CNTN4: variants seen among roughly 807,000 people sequenced by gnomAD.
CNTN4 encodes contactin 4, also known as contactin-4.
CNTN4 carries 77 observed loss-of-function variants against 122.5 expected under a neutral mutation model. The observed-to-expected ratio is 0.63, with a 90% confidence interval of 0.52 to 0.76. CNTN4 has a LOEUF of 0.76. Ranked by LOEUF, CNTN4 falls within the 30% of genes least tolerant of loss-of-function variation. CNTN4 has a pLI of 0.00. For synonymous variants in CNTN4, 512 were observed against 447.0 expected (o/e 1.15, Z -1.83); for missense variants, 1,256 against 1,259.1 (o/e 1.00, Z 0.04).
chr3:2,134,520 G>T (rs921941912), intron 2 of CNTN4, among the ~76,000 whole-genome samples: 2 of 152,114 alleles, frequency 1.3e-5, no homozygotes, highest in African/African-American at 4.8e-5. Context: ...AAATTTCTCG[G>T]GTTTCTAAGA....
At chr3:2,811,158 C>G (rs776402947) in intron 6 of CNTN4, among the ~76,000 whole-genome samples, 2 of 151,924 alleles carry the variant, frequency 1.3e-5, no homozygotes, top group Non-Finnish European at 2.9e-5. Flanking sequence ...ACCTGTAATC[C>G]CAGCACTTTG....
chr3:2,945,887 G>A (rs1404254619), intron 13 of CNTN4, among the ~76,000 whole-genome samples: 1 of 152,186 alleles, frequency 6.6e-6, no homozygotes, highest in African/African-American at 2.4e-5. Context: ...ATATAGTTAT[G>A]CATTCAAATT....
intron 3 of CNTN4, among the ~76,000 whole-genome samples, chr3:2,421,557 C>T (rs894460320): frequency 2.0e-5 from 3 of 152,086 alleles, no homozygotes; most frequent in African/African-American, 7.2e-5. Flanking sequence ...CAGCCCCAGC[C>T]TTCATATTGT....
rs143906784 is a variant in CNTN4, at chr3:2,395,401, AT to A, written c.-89+56172del. On this transcript the variant is annotated intron_variant, in intron 3 of 24. Coordinates refer to ENST00000418658, the MANE Select transcript of CNTN4 (RefSeq NM_175607.3). ...GGAAACTTTCTAGAGTGATAAAAGTATTTTATATATTAATAGGATTATGGAT... is the reference window on the plus strand; with the variant it reads ...GGAAACTTTCTAGAGTGATAAAAGTATTTATATATTAATAGGATTATGGAT... 5.0e-3 allele frequency among the ~76,000 whole-genome samples: 764 copies of A among 152,296 alleles called. 4 individuals are homozygous for A. Among genetic ancestry groups the A allele is most frequent in the Non-Finnish European group, 7.8e-3 (533 of 68,024 alleles).
At chr3:2,949,237 G>C (rs1453896238) in intron 13 of CNTN4, among the ~76,000 whole-genome samples, 1 of 152,026 alleles carries the variant, frequency 6.6e-6, no homozygotes, top group Admixed American at 6.6e-5. Flanking sequence ...TGTTGTCTTT[G>C]CAGAGAGACC....
chr3:2,203,440 C>G (rs1369051602), intron 2 of CNTN4, among the ~76,000 whole-genome samples: 1 of 152,040 alleles, frequency 6.6e-6, no homozygotes, highest in Non-Finnish European at 1.5e-5. Context: ...GCCCAGATAC[C>G]TCTCCTTCCT....
At chr3:2,963,781 T>C (rs1394582286) in intron 13 of CNTN4, among the ~76,000 whole-genome samples, 1 of 152,244 alleles carries the variant, frequency 6.6e-6, no homozygotes, top group East Asian at 1.9e-4. Flanking sequence ...ATTTGCTTTA[T>C]TGTTAGTCTC....
chr3:2,268,869 T>C (rs536305016), intron 2 of CNTN4, among the ~76,000 whole-genome samples: 1 of 152,268 alleles, frequency 6.6e-6, no homozygotes, highest in African/African-American at 2.4e-5. Flanking sequence ...CTCTTGTCTA[T>C]GGAGTAAGTA....
intron 3 of CNTN4, among the ~76,000 whole-genome samples, chr3:2,456,459 A>G (rs2049005717): frequency 6.6e-6 from 1 of 152,148 alleles, no homozygotes; most frequent in Non-Finnish European, 1.5e-5. Context: ...TATTAGTCCT[A>G]AAATATTTTC....
intron 3 of CNTN4, among the ~76,000 whole-genome samples, chr3:2,358,135 C>T (rs1021054632): frequency 6.6e-6 from 1 of 152,110 alleles, no homozygotes; most frequent in Non-Finnish European, 1.5e-5. Flanking sequence ...TTCTTCTAGC[C>T]TTATCTGTAG....
At position 2,365,730 on chromosome 3, in the gene CNTN4, A is replaced by T. The variant is rs1014314483; in HGVS notation, c.-89+26497A>T. ...TGTGATTCTTGAGTTTAAATAAAAA[A>T]ATATATATATACCATGTTGTCCCTA... is the stretch of plus-strand genomic sequence containing the variant. On this transcript the variant is annotated intron_variant, in intron 3 of 24. Coordinates refer to ENST00000418658, the MANE Select transcript of CNTN4 (RefSeq NM_175607.3). Among the ~76,000 whole-genome samples, 7 of 152,278 alleles carry T rather than the reference A, an allele frequency of 4.6e-5. 1 individual carries two copies. The East Asian group carries it at 7.7e-4, about 17-fold the overall frequency.
intron 4 of CNTN4, among the ~76,000 whole-genome samples, chr3:2,730,680 C>CT (rs1243062975): frequency 6.6e-6 from 1 of 152,124 alleles, no homozygotes; most frequent in Non-Finnish European, 1.5e-5. Flanking sequence ...TGACCTTTCC[C>CT]TTGGAATCCA....
At chr3:2,966,589 A>G (rs948662182) in intron 13 of CNTN4, among the ~76,000 whole-genome samples, 1 of 152,202 alleles carries the variant, frequency 6.6e-6, no homozygotes, top group African/African-American at 2.4e-5. Flanking sequence ...AATCAACAAT[A>G]ATTTATTGTA....
At chr3:2,179,930 T>G (rs937184929) in intron 2 of CNTN4, among the ~76,000 whole-genome samples, 1 of 152,006 alleles carries the variant, frequency 6.6e-6, no homozygotes, top group Non-Finnish European at 1.5e-5. Flanking sequence ...TAAAAAAGAT[T>G]AGTGAAATAT....
At chr3:2,933,760 A>G (rs983838698) in intron 13 of CNTN4, among the ~76,000 whole-genome samples, 5 of 152,154 alleles carry the variant, frequency 3.3e-5, no homozygotes, top group Non-Finnish European at 5.9e-5. Context: ...TGAGTGTCCA[A>G]TAGGAAACTG....
At chr3:2,506,039 A>C (rs1029959472) in intron 3 of CNTN4, among the ~76,000 whole-genome samples, 3 of 151,940 alleles carry the variant, frequency 2.0e-5, no homozygotes, top group Non-Finnish European at 4.4e-5. Context: ...ATGTAACACT[A>C]TGGTAATCTT....
At chr3:2,663,269 A>G (rs1388702897) in intron 4 of CNTN4, among the ~76,000 whole-genome samples, 3 of 152,204 alleles carry the variant, frequency 2.0e-5, no homozygotes, top group African/African-American at 4.8e-5. Flanking sequence ...ATGGTATATA[A>G]TAGGAATAGA....
intron 4 of CNTN4, among the ~76,000 whole-genome samples, chr3:2,661,809 CA>C (rs544079802): frequency 0.022 from 1,692 of 78,480 alleles, 12 homozygotes; most frequent in African/African-American, 0.044. Context: ...AATTCCATCT[CA>C]AAAAAAAAAA....
intron 3 of CNTN4, among the ~76,000 whole-genome samples, chr3:2,394,425 A>C (rs1329806496): frequency 1.3e-5 from 2 of 152,212 alleles, no homozygotes; most frequent in East Asian, 1.9e-4. Flanking sequence ...ATTAACAGTT[A>C]ATGAAAACTG....
Sources: allele counts gnomAD v4.1 joint callset (sites outside exome capture counted in the v4.1 genomes callset), GRCh38; gene constraint gnomAD v4.1.1; transcripts MANE v1.5; gene names NCBI Gene and HGNC (gene_info 2026-07-23, HGNC 2026-07-21).